The following BACH2 variants were observed in gnomAD, a reference collection of about 807,000 sequenced individuals.
The protein encoded by BACH2 is BACH transcriptional regulator 2.
In BACH2, 5 loss-of-function variants were observed where a neutral mutation model predicts 61.8. The observed-to-expected ratio is 0.08, with a 90% CI of 0.04 to 0.17. The LOEUF is 0.17. BACH2 is among the 10% of genes least tolerant of loss of function. The probability of loss-of-function intolerance (pLI) is 1.00; values close to 1 mark genes in which losing one functional copy is unlikely to be tolerated. For missense variants in BACH2, 824 were observed against 1,091.1 expected (o/e 0.76, Z 3.45); for synonymous variants, 446 against 440.1 (o/e 1.01, Z -0.17).
At chr6:89,936,086 G>A (rs59180865) in intron 8 of BACH2, among the ~76,000 whole-genome samples, 17,530 of 152,216 alleles carry the variant, frequency 0.12, 1,529 homozygotes, top group East Asian at 0.46. Context: ...TTTTCTGGGC[G>A]CCAGCAATGG....
At chr6:90,018,541 G>T (rs566330515) in intron 5 of BACH2, among the ~76,000 whole-genome samples, 1 of 152,146 alleles carries the variant, frequency 6.6e-6, no homozygotes, top group South Asian at 2.1e-4. Flanking sequence ...AGGAGAAAGG[G>T]TAAATCTAGA....
chr6:90,029,389 G>A (rs2127787340), intron 5 of BACH2, among the ~76,000 whole-genome samples: 1 of 152,142 alleles, frequency 6.6e-6, no homozygotes, highest in South Asian at 2.1e-4. Context: ...CTCAATCCCT[G>A]GCCTCCTCAG....
chr6:90,204,990 G>C (rs1207617948), intron 4 of BACH2, among the ~76,000 whole-genome samples: 1 of 152,146 alleles, frequency 6.6e-6, no homozygotes, highest in Non-Finnish European at 1.5e-5. Context: ...GGTCTCTTCA[G>C]ATAGGATAAA....
intron 4 of BACH2, among the ~76,000 whole-genome samples, chr6:90,185,748 C>A (rs1188537445): frequency 2.6e-5 from 4 of 152,210 alleles, no homozygotes; most frequent in Admixed American, 6.5e-5. Context: ...ATGTTAAATT[C>A]AACTGGTCTT....
intron 6 of BACH2, among the ~76,000 whole-genome samples, chr6:89,965,572 A>G (rs1360973050): frequency 6.6e-6 from 1 of 152,238 alleles, no homozygotes; most frequent in Non-Finnish European, 1.5e-5. Context: ...TAGAGTCTCA[A>G]TAACTATTAG....
chr6:90,214,192 C>A (rs796314966), intron 3 of BACH2, among the ~76,000 whole-genome samples: 2 of 152,194 alleles, frequency 1.3e-5, no homozygotes, highest in Admixed American at 6.5e-5. Context: ...CTATTCCAGG[C>A]AACTCTTGAT....
intron 4 of BACH2, among the ~76,000 whole-genome samples, chr6:90,160,784 T>A (rs1361135002): frequency 3.3e-5 from 5 of 152,090 alleles, no homozygotes; most frequent in Non-Finnish European, 7.4e-5. Flanking sequence ...TTAAACCACT[T>A]ATGGTCTTTA....
At chr6:90,188,441 G>A (rs1386135779) in intron 4 of BACH2, among the ~76,000 whole-genome samples, 2 of 151,836 alleles carry the variant, frequency 1.3e-5, no homozygotes, top group Non-Finnish European at 2.9e-5. Context: ...TTCAAATTTT[G>A]AGGGTGCTCA....
Position 90,132,634 on chromosome 6 carries a change from C to A in BACH2, c.-161-43525G>T, listed in dbSNP as rs555168924. On this transcript the variant is annotated intron_variant, in intron 4 of 8. Coordinates refer to ENST00000257749, the MANE Select transcript of BACH2 (RefSeq NM_021813.4). ...CCTCCTCCCACCCCTACCGTGGCTA[C>A]ACCATTACAAGAACCTCTCACTGGT... 1.6e-3 allele frequency among the ~76,000 whole-genome samples: 241 copies of A among 152,316 alleles called. 4 individuals are homozygous for A. In the South Asian group the frequency reaches 0.03, roughly 19 times the overall value.
intron 4 of BACH2, among the ~76,000 whole-genome samples, chr6:90,125,089 C>CAGTTATAAA (rs1562460629): frequency 6.6e-6 from 1 of 150,984 alleles, no homozygotes; most frequent in Non-Finnish European, 1.5e-5. Flanking sequence ...TTTAAAATAA[C>CAGTTATAAA]AGTTATAAAA....
chr6:89,940,805 A>G (rs1167800474), intron 7 of BACH2, among the ~76,000 whole-genome samples: 1 of 152,190 alleles, frequency 6.6e-6, no homozygotes, highest in Non-Finnish European at 1.5e-5. Flanking sequence ...ATAGATAAAA[A>G]TACTTCCAAC....
chr6:90,049,189 A>G (rs1779922999), intron 5 of BACH2, among the ~76,000 whole-genome samples: 1 of 152,204 alleles, frequency 6.6e-6, no homozygotes, highest in Non-Finnish European at 1.5e-5. Flanking sequence ...TAAGTTTTGT[A>G]GACAGTTACT....
intron 5 of BACH2, among the ~76,000 whole-genome samples, chr6:90,066,601 T>C (rs927147436): frequency 1.3e-5 from 2 of 152,194 alleles, no homozygotes; most frequent in Admixed American, 1.3e-4. Flanking sequence ...CAAATAGAGC[T>C]GATCATGTGC....
At chr6:90,196,127 C>CT (rs60187570) in intron 4 of BACH2, among the ~76,000 whole-genome samples, 48 of 143,098 alleles carry the variant, frequency 3.4e-4, no homozygotes, top group South Asian at 6.7e-4. Flanking sequence ...AATGCAAGTA[C>CT]TTTTTTTTTT....
intron 4 of BACH2, among the ~76,000 whole-genome samples, chr6:90,144,086 C>G (rs893508797): frequency 3.3e-5 from 5 of 152,174 alleles, no homozygotes; most frequent in African/African-American, 1.2e-4. Context: ...GAAAAATTTT[C>G]ATGCTAGAAA....
In BACH2 at chr6:89,971,602, C is replaced by A. The variant is rs140228144; in HGVS notation, c.244-19740G>T. Among the ~76,000 whole-genome samples the A allele has an allele frequency of 9.4e-3, 1,426 of 152,202 alleles. 17 individuals carry two copies. The highest frequency in any genetic ancestry group is 0.016 in the African/African-American group (664 of 41,518). ...TTTTCATGCTGCTGATAAAGACATA[C>A]CTGAGACTGGGTAATTTATAAAGAA... On this transcript the variant is annotated intron_variant, in intron 6 of 8. Coordinates refer to ENST00000257749, the MANE Select transcript of BACH2 (RefSeq NM_021813.4).
chr6:90,004,636 C>A (rs564073003), intron 6 of BACH2, among the ~76,000 whole-genome samples: 1 of 152,174 alleles, frequency 6.6e-6, no homozygotes, highest in African/African-American at 2.4e-5. Flanking sequence ...GTCCTCTGAA[C>A]TTGACACGCC....
chr6:90,087,487 T>G (rs1781984560), intron 5 of BACH2, among the ~76,000 whole-genome samples: 1 of 152,228 alleles, frequency 6.6e-6, no homozygotes, highest in East Asian at 1.9e-4. Context: ...TGTACATTTG[T>G]ATGTATGCTT....
chr6:89,994,875 T>G (rs1225483738), intron 6 of BACH2, among the ~76,000 whole-genome samples: 1 of 152,244 alleles, frequency 6.6e-6, no homozygotes, highest in African/African-American at 2.4e-5. Context: ...CAGGTCACCC[T>G]GTTGATATTT....
Sources: allele counts gnomAD v4.1 joint callset (sites outside exome capture counted in the v4.1 genomes callset), GRCh38; gene constraint gnomAD v4.1.1; transcripts MANE v1.5; gene names NCBI Gene and HGNC (gene_info 2026-07-23, HGNC 2026-07-21).